PAK6: variants seen among roughly 807,000 people sequenced by gnomAD.
The protein encoded by PAK6 is serine/threonine-protein kinase PAK 6.
PAK6 carries 33 observed loss-of-function variants against 60.8 expected under a neutral mutation model. The observed-to-expected ratio is 0.54, with a 90% CI of 0.41 to 0.73. PAK6 has a LOEUF of 0.73. Among genes scored for constraint, PAK6 ranks in the 30% least tolerant of loss-of-function variants. The pLI is 0.00. For missense variants in PAK6, 845 were observed against 904.1 expected (o/e 0.93, Z 0.84); for synonymous variants, 404 against 378.5 (o/e 1.07, Z -0.78).
intron 3 of PAK6, among the ~76,000 whole-genome samples, chr15:40,257,413 A>G (rs970016281): frequency 1.3e-5 from 2 of 152,202 alleles, no homozygotes; most frequent in African/African-American, 4.8e-5. Context: ...GGGACTCAGT[A>G]TGCGCAAACA....
At chr15:40,271,169 G>A (rs3825873) in intron 5 of PAK6, among the ~76,000 whole-genome samples, 17,698 of 152,236 alleles carry the variant, frequency 0.12, 1,089 homozygotes, top group South Asian at 0.15. Flanking sequence ...TTAAAAACAC[G>A]TAATCCCTGG....
At chr15:40,240,313 T>C (rs3784394) in intron 1 of PAK6, among the ~76,000 whole-genome samples, 78,296 of 152,062 alleles carry the variant, frequency 0.51, 20,796 homozygotes, top group East Asian at 0.72. Context: ...CTGGCCAGGG[T>C]ACGGCTTCCC....
intron 2 of PAK6, among the ~76,000 whole-genome samples, chr15:40,249,806 G>A (rs1261096663): frequency 6.6e-6 from 1 of 152,238 alleles, no homozygotes; most frequent in Non-Finnish European, 1.5e-5. Context: ...ACCGGGAAGT[G>A]CCTGCCCCAC....
At chr15:40,252,584 G>T in intron 2 of PAK6, 1 of 1,357,138 alleles carries the variant, frequency 7.4e-7, no homozygotes, top group Non-Finnish European at 9.8e-7. Context: ...CTGCACCAAC[G>T]TGTAAGCGCG....
chr15:40,267,348 G>T (rs1054129841), intron 5 of PAK6, among the ~76,000 whole-genome samples: 21 of 152,180 alleles, frequency 1.4e-4, no homozygotes, highest in African/African-American at 5.1e-4. Context: ...CTGCCTGCCA[G>T]CTGAGGTACT....
chr15:40,268,527 A>T (rs937343418), intron 5 of PAK6, among the ~76,000 whole-genome samples: 1 of 152,246 alleles, frequency 6.6e-6, no homozygotes, highest in Non-Finnish European at 1.5e-5. Context: ...AGGAGTCCCC[A>T]GATCAAGCCA....
chr15:40,252,208 T>A (rs2038688498), intron 2 of PAK6: 2 of 1,135,264 alleles, frequency 1.8e-6, no homozygotes, highest in African/African-American at 3.3e-5. Context: ...CCCGCTCAGG[T>A]CCGGGAGAGT....
At position 40,241,700 on chromosome 15, in the gene PAK6, A is replaced by G. The variant is rs2038349670; in HGVS notation, c.-118+1019A>G. 3.3e-5 allele frequency among the ~76,000 whole-genome samples: 5 copies of G among 152,268 alleles called. 1 individual carries two copies. The South Asian group carries it at 1.0e-3, about 32-fold the overall frequency. Reference sequence around the variant, plus strand: ...ACTGCACGGCCTCTCCAGTGCCCCGAGGACAAACTGATGCTTTGTGAGTGC... The same window carrying G: ...ACTGCACGGCCTCTCCAGTGCCCCGGGGACAAACTGATGCTTTGTGAGTGC... On this transcript the variant is annotated intron_variant, in intron 2 of 10. Transcript: ENST00000560346.
exon 5 of PAK6, chr15:40,266,270 C>T: frequency 6.2e-7 from 1 of 1,611,288 alleles, no homozygotes. Context: ...CCCCCACGGG[C>T]ACCAATAGGC....
Position 40,273,690 on chromosome 15 carries a change from C to A in PAK6, c.1743+14C>A. 1 of 1,612,312 alleles carries A rather than the reference C, an allele frequency of 6.2e-7. No homozygotes were observed. On this transcript the variant is annotated intron_variant, in intron 9 of 10. Transcript: ENST00000560346. ...TATGCCACTGAGGTAACCGTTCCCT[C>A]CACCCCCCAGACCTCCCAAAAGCAA... is the stretch of plus-strand genomic sequence containing the variant.
At chr15:40,274,299 G>A (rs369268621) in intron 10 of PAK6, 23 bp downstream of exon 10, 19 of 1,566,162 alleles carry the variant, frequency 1.2e-5, no homozygotes, top group East Asian at 4.5e-5. Flanking sequence ...ACAAGGGTGC[G>A]ACCTCGCAGA....
chr15:40,255,094 G>A (rs1460381395), intron 3 of PAK6, among the ~76,000 whole-genome samples: 2 of 152,150 alleles, frequency 1.3e-5, no homozygotes, highest in African/African-American at 4.8e-5. Context: ...CTTAGCATAG[G>A]GTTCCAATGC....
intron 3 of PAK6, chr15:40,264,498 G>A: frequency 1.8e-6 from 1 of 567,194 alleles, no homozygotes; most frequent in African/African-American, 1.8e-5. Context: ...CACCCCCAGA[G>A]TCTGCCTGCT....
At chr15:40,252,287 A>C in intron 2 of PAK6, 1 of 1,218,022 alleles carries the variant, frequency 8.2e-7, no homozygotes. Context: ...GCCGGCGCTC[A>C]GCTGATTCTC....
chr15:40,250,601 C>T (rs2038637976), intron 2 of PAK6: 1 of 152,158 alleles, frequency 6.6e-6, no homozygotes, highest in Non-Finnish European at 1.5e-5. Flanking sequence ...GAGGATGGGA[C>T]TTGGCTAGTC....
chr15:40,256,203 C>T (rs779882615), intron 3 of PAK6, among the ~76,000 whole-genome samples: 3 of 151,924 alleles, frequency 2.0e-5, no homozygotes, highest in Non-Finnish European at 2.9e-5. Flanking sequence ...TCAGCCTGGG[C>T]GACTGAGTGA....
intron 2 of PAK6, among the ~76,000 whole-genome samples, chr15:40,241,831 C>T (rs1278149092): frequency 1.3e-5 from 2 of 152,234 alleles, no homozygotes; most frequent in Admixed American, 1.3e-4. Context: ...ACCAAAAAGT[C>T]CCCTGCCCTG....
intron 3 of PAK6, chr15:40,264,457 CT>C (rs1230952227): frequency 2.0e-6 from 1 of 499,590 alleles, no homozygotes; most frequent in Non-Finnish European, 3.9e-6. Flanking sequence ...TGGAATGATA[CT>C]TGTAATGGGC....
chr15:40,270,729 A>T (rs539542302), intron 5 of PAK6, among the ~76,000 whole-genome samples: 1 of 152,276 alleles, frequency 6.6e-6, no homozygotes, highest in South Asian at 2.1e-4. Flanking sequence ...TCCTGGGAGG[A>T]TTGCTAGCTT....
Sources: gnomAD v4.1 joint callset for allele counts (sites outside exome capture counted in the v4.1 genomes callset) on GRCh38, gnomAD v4.1.1 for gene constraint, MANE v1.5 for transcripts, NCBI Gene and HGNC (gene_info 2026-07-23, HGNC 2026-07-21) for gene names.